Variants in TBC1D1 observed in about 807,000 individuals in gnomAD.
The protein encoded by TBC1D1 is TBC1 (tre-2/USP6, BUB2, cdc16) domain family, member 1.
Under a neutral mutation model 125.6 loss-of-function variants are expected in TBC1D1, and 89 were observed. That is an observed-to-expected ratio of 0.71 (90% confidence interval 0.60 to 0.85). The LOEUF (loss-of-function observed/expected upper bound fraction) is 0.85. TBC1D1 is among the 40% of genes least tolerant of loss of function. The pLI is 0.00. For missense variants in TBC1D1, 1,377 were observed against 1,469.2 expected, an observed-to-expected ratio of 0.94 and a Z score of 1.03; for synonymous variants, 565 against 564.1, an observed-to-expected ratio of 1.00 and a Z score of -0.02.
intron 2 of TBC1D1, chr4:37,952,427 A>C (rs558902345): frequency 8.1e-6 from 2 of 245,670 alleles, no homozygotes; most frequent in South Asian, 1.1e-4. Context: ...GTACATACAC[A>C]CCATGGAATA....
chr4:37,950,123 C>T (rs1029957912), intron 2 of TBC1D1, among the ~76,000 whole-genome samples: 1 of 152,162 alleles, frequency 6.6e-6, no homozygotes, highest in Admixed American at 6.5e-5. Context: ...AATTGACAAA[C>T]CAGGACAATA....
chr4:37,955,487 A>G (rs1578030046), intron 2 of TBC1D1, among the ~76,000 whole-genome samples: 1 of 152,216 alleles, frequency 6.6e-6, no homozygotes, highest in Non-Finnish European at 1.5e-5. Context: ...GATTACTTAT[A>G]CTACTCAATA....
intron 2 of TBC1D1, among the ~76,000 whole-genome samples, chr4:38,004,117 G>A (rs1408386119): frequency 6.6e-6 from 1 of 152,208 alleles, no homozygotes; most frequent in African/African-American, 2.4e-5. Context: ...AAGCTACAGA[G>A]TTCCCCATAG....
rs772066111 is a variant in TBC1D1 at position 38,133,137 on chromosome 4, C to T, written c.3186C>T (p.His1062=). ...TACAAGCTTATGAAGTTGAGTACCACGTCCTTCAAGAAGAACTTATCGATT... is the reference window on the plus strand; with the variant it reads ...TACAAGCTTATGAAGTTGAGTACCATGTCCTTCAAGAAGAACTTATCGATT... Residue 1062 remains histidine, a synonymous_variant, in exon 19 of 20, where the codon CAC becomes CAT. Transcript: ENST00000261439. 1.3e-5 allele frequency: 21 copies of T among 1,614,052 alleles called. No individual in the cohort carries two copies. In the East Asian group the frequency reaches 1.6e-4, roughly 12 times the overall value.
chr4:38,027,895 T>C lies in TBC1D1; in HGVS notation c.1302+16T>C, dbSNP rs1043758561. The C allele has an allele frequency of 3.9e-6, 6 of 1,543,094 alleles. No individual in the cohort carries two copies. Among genetic ancestry groups the C allele is most frequent in the Non-Finnish European group, 3.5e-6 (4 of 1,139,092 alleles). ...AGAGGTTCAGGTACAGTACAGTTGCTAATTTCTAGAAGGAAAGAAAAGGCA... is the reference window on the plus strand; with the variant it reads ...AGAGGTTCAGGTACAGTACAGTTGCCAATTTCTAGAAGGAAAGAAAAGGCA... On this transcript the variant is annotated intron_variant, in intron 7 of 19. Coordinates refer to ENST00000261439, the MANE Select transcript of TBC1D1 (RefSeq NM_015173.4).
chr4:38,062,430 A>G (rs1031279692), intron 12 of TBC1D1, among the ~76,000 whole-genome samples: 14 of 152,130 alleles, frequency 9.2e-5, no homozygotes, highest in African/African-American at 3.4e-4. Flanking sequence ...GGAAGAAAAA[A>G]GTTGTCTTCA....
rs1243368011 is a variant in TBC1D1, at chr4:37,901,349, G to A, written c.-93-654G>A. Among the ~76,000 whole-genome samples the A allele has an allele frequency of 4.6e-5, 7 of 151,988 alleles. No individual in the cohort carries two copies. The East Asian group carries it at 1.2e-3, about 25-fold the overall frequency. On this transcript the variant is annotated intron_variant, in intron 1 of 19. Coordinates refer to ENST00000261439, the MANE Select transcript of TBC1D1 (RefSeq NM_015173.4). ...TTTTTGTATTTTTAGTAGAGACGGG[G>A]TTTCACCATGTTGGCCAGGCTGGTC...
rs1464372022 is a variant in TBC1D1 at position 38,138,496 on chromosome 4, T to C, written c.*1161T>C. The C allele has an allele frequency of 6.6e-6, 1 of 152,328 alleles. No individual in the cohort carries two copies. Among genetic ancestry groups the C allele is most frequent in the Non-Finnish European group, 1.5e-5 (1 of 67,988 alleles). The allele number at this position is 152,328 out of a possible 1,614,324, so 9.4% of individuals were successfully genotyped here. Reference sequence around the variant, plus strand: ...GATCAGGCTGAAACTGCAGTCAGATTTATGACAGCTGACAGTTTTTCAGAG... The same window carrying C: ...GATCAGGCTGAAACTGCAGTCAGATCTATGACAGCTGACAGTTTTTCAGAG... On this transcript the variant is annotated 3_prime_UTR_variant, in exon 20 of 20. Transcript: ENST00000261439.
At chr4:38,045,966 C>T in intron 10 of TBC1D1, 63 bp downstream of exon 10, 3 of 1,378,702 alleles carry the variant, frequency 2.2e-6, no homozygotes, top group Non-Finnish European at 3.1e-6. Context: ...TGCTCATCTC[C>T]TGTCTACATA....
At chr4:37,970,023 T>C (rs1174572301) in intron 2 of TBC1D1, among the ~76,000 whole-genome samples, 1 of 152,228 alleles carries the variant, frequency 6.6e-6, no homozygotes, top group Non-Finnish European at 1.5e-5. Flanking sequence ...GTAACTGGCT[T>C]ATTTCAATTG....
chr4:37,999,094 CA>C (rs1450968933), intron 2 of TBC1D1, among the ~76,000 whole-genome samples: 2 of 152,002 alleles, frequency 1.3e-5, no homozygotes, highest in Non-Finnish European at 2.9e-5. Context: ...ACTAAAAATA[CA>C]AAAATTAGTC....
chr4:37,914,591 A>T (rs1413524686), intron 2 of TBC1D1, among the ~76,000 whole-genome samples: 1 of 152,206 alleles, frequency 6.6e-6, no homozygotes, highest in Non-Finnish European at 1.5e-5. Context: ...TCCACCAGAC[A>T]TCCAAAGACA....
rs992477791 is a variant in TBC1D1, at chr4:38,137,477, C to T, written c.*142C>T. ...CGGCTTGCCAGCAAGTAGATTCTTA[C>T]GAACTCCAACTTGCAATTCAGGGGG... is the stretch of plus-strand genomic sequence containing the variant. On this transcript the variant is annotated 3_prime_UTR_variant, in exon 20 of 20. Transcript: ENST00000261439. 22 of 1,215,720 alleles carry T rather than the reference C, an allele frequency of 1.8e-5. No individual in the cohort carries two copies. Among genetic ancestry groups the T allele is most frequent in the Admixed American group, 3.7e-5 (1 of 27,240 alleles). 75.3% of individuals were successfully genotyped at this position (1,215,720 alleles called of 1,614,324 possible). A position where few individuals can be genotyped will look rare whatever the true frequency, so the allele number is the denominator to read the frequency against.
At chr4:38,059,843 C>CT (rs1752442033) in intron 12 of TBC1D1, among the ~76,000 whole-genome samples, 1 of 152,134 alleles carries the variant, frequency 6.6e-6, no homozygotes, top group African/African-American at 2.4e-5. Context: ...TTAAGTCCAG[C>CT]ATGTGGTTAT....
chr4:38,091,523 G>T (rs112913353), intron 13 of TBC1D1, among the ~76,000 whole-genome samples: 16 of 152,230 alleles, frequency 1.1e-4, no homozygotes, highest in African/African-American at 3.9e-4. Context: ...ATGTTCGTGT[G>T]TATCTTGGGA....
At chr4:38,073,464 T>C (rs1755048807) in intron 12 of TBC1D1, among the ~76,000 whole-genome samples, 1 of 152,230 alleles carries the variant, frequency 6.6e-6, no homozygotes, top group Non-Finnish European at 1.5e-5. Context: ...ATTTCCTTCA[T>C]AGTTAATGTG....
chr4:38,020,908 T>G (rs1743871717), intron 5 of TBC1D1: 1 of 403,596 alleles, frequency 2.5e-6, no homozygotes, highest in Non-Finnish European at 4.6e-6. Context: ...AAGAACTTGT[T>G]TAGTGTCACC....
intron 2 of TBC1D1, among the ~76,000 whole-genome samples, chr4:37,919,004 A>G (rs188258502): frequency 5.3e-4 from 80 of 152,218 alleles, no homozygotes; most frequent in African/African-American, 1.9e-3. Context: ...TACTCCTTAT[A>G]ATATAATACC....
chr4:37,950,043 C>T (rs560229557), intron 2 of TBC1D1, among the ~76,000 whole-genome samples: 1 of 152,016 alleles, frequency 6.6e-6, no homozygotes, highest in African/African-American at 2.4e-5. Flanking sequence ...TTTTTGCTTC[C>T]TGGGGTCTCC....
Sources: allele counts gnomAD v4.1 joint callset (sites outside exome capture counted in the v4.1 genomes callset), GRCh38; gene constraint gnomAD v4.1.1; transcripts MANE v1.5; gene names NCBI Gene and HGNC (gene_info 2026-07-23, HGNC 2026-07-21).